Variants in SPMIP6 observed in about 807,000 individuals in gnomAD.
The protein encoded by SPMIP6 is sperm microtubule inner protein 6, also known as ciliated bronchial epithelial protein 1.
chr9:34,383,537 A>G, the SPMIP6 span, among the ~76,000 whole-genome samples: 1 of 152,180 alleles, frequency 6.6e-6, no homozygotes, highest in African/African-American at 2.4e-5. Flanking sequence ...AAATAGATAA[A>G]TAACTTGAAT....
At chr9:34,388,583 G>A in the SPMIP6 span, among the ~76,000 whole-genome samples, 1 of 152,138 alleles carries the variant, frequency 6.6e-6, no homozygotes, top group Non-Finnish European at 1.5e-5. Context: ...GTTGAATTAT[G>A]GCTTGGCTTT....
chr9:34,396,130 C>T, the SPMIP6 span, among the ~76,000 whole-genome samples: 1 of 152,090 alleles, frequency 6.6e-6, no homozygotes, highest in Non-Finnish European at 1.5e-5. Context: ...TCCTTAAATA[C>T]ACCATTTTGT....
the SPMIP6 span, among the ~76,000 whole-genome samples, chr9:34,393,568 C>A: frequency 1.3e-5 from 2 of 152,108 alleles, no homozygotes; most frequent in Non-Finnish European, 2.9e-5. Flanking sequence ...TTGTGAGGTG[C>A]CTAACTGTGG....
chr9:34,380,018 C>T, the SPMIP6 span, among the ~76,000 whole-genome samples: 3 of 152,174 alleles, frequency 2.0e-5, no homozygotes, highest in Non-Finnish European at 4.4e-5. Context: ...ACCGGATCCC[C>T]GCCACTGGAC....
the SPMIP6 span, among the ~76,000 whole-genome samples, chr9:34,385,329 C>T: frequency 4.6e-5 from 7 of 151,832 alleles, no homozygotes; most frequent in Admixed American, 1.3e-4. Context: ...GTCAGAAGTT[C>T]GAGACCAGCC....
At chr9:34,389,133 C>T in the SPMIP6 span, among the ~76,000 whole-genome samples, 1 of 152,038 alleles carries the variant, frequency 6.6e-6, no homozygotes, top group East Asian at 1.9e-4. Context: ...GACGATGTTT[C>T]CCTGTGTTTC....
the SPMIP6 span, among the ~76,000 whole-genome samples, chr9:34,392,389 A>G: frequency 2.4e-4 from 36 of 151,950 alleles, no homozygotes; most frequent in Non-Finnish European, 2.9e-4. This position sits in a 1 kb window ranked among gnomAD's most constrained non-coding sequence, Gnocchi z 4.6. Flanking sequence ...TAATTATAAT[A>G]TCTTCCTGGT....
the SPMIP6 span, chr9:34,381,868 A>G: frequency 1.2e-6 from 1 of 806,652 alleles, no homozygotes; most frequent in Non-Finnish European, 1.5e-6. The surrounding 1 kb of genome is among the most constrained non-coding windows in gnomAD (Gnocchi z 4.4). Context: ...ACCCAGGGTC[A>G]GCCATCAGCC....
At chr9:34,386,989 T>C in the SPMIP6 span, among the ~76,000 whole-genome samples, 1 of 151,352 alleles carries the variant, frequency 6.6e-6, no homozygotes, top group Non-Finnish European at 1.5e-5. Context: ...GGCAGTGAGG[T>C]GCTGGGACAG....
chr9:34,379,033 GTT>G, the SPMIP6 span: 7 of 1,210,006 alleles, frequency 5.8e-6, no homozygotes, highest in Admixed American at 1.7e-5. This position sits in a 1 kb window ranked among gnomAD's most constrained non-coding sequence, Gnocchi z 4.2. Flanking sequence ...GGGTTGAAGA[GTT>G]TATTTATTGC....
At chr9:34,384,033 T>C in the SPMIP6 span, among the ~76,000 whole-genome samples, 13 of 152,252 alleles carry the variant, frequency 8.5e-5, no homozygotes, top group South Asian at 2.5e-3. Flanking sequence ...AGGCCCTCCA[T>C]GATCCAACAG....
At chr9:34,382,667 T>G in the SPMIP6 span, 4 of 834,914 alleles carry the variant, frequency 4.8e-6, no homozygotes, top group Non-Finnish European at 8.5e-6. Flanking sequence ...GAGGACCTAA[T>G]GGTGAAATAT....
the SPMIP6 span, among the ~76,000 whole-genome samples, chr9:34,390,486 T>C: frequency 1.3e-5 from 2 of 151,976 alleles, no homozygotes; most frequent in Admixed American, 6.6e-5. Flanking sequence ...TGATCTTCTG[T>C]TTTTTTTCTT....
chr9:34,385,539 A>AT, the SPMIP6 span: 7 of 749,218 alleles, frequency 9.3e-6, no homozygotes, highest in South Asian at 1.8e-4. Flanking sequence ...CCGTCTCAAA[A>AT]AAAAAAAAAA....
chr9:34,381,520 C>G, the SPMIP6 span: 1 of 1,597,508 alleles, frequency 6.3e-7, no homozygotes, highest in Non-Finnish European at 8.5e-7. This position sits in a 1 kb window ranked among gnomAD's most constrained non-coding sequence, Gnocchi z 4.4. Flanking sequence ...CCCAGAACAC[C>G]CAGACCTATC....
the SPMIP6 span, chr9:34,381,880 G>A: frequency 1.4e-6 from 1 of 695,626 alleles, no homozygotes; most frequent in Non-Finnish European, 1.8e-6. The surrounding 1 kb of genome is among the most constrained non-coding windows in gnomAD (Gnocchi z 4.4). Flanking sequence ...CCATCAGCCT[G>A]CAGTTAAGAG....
the SPMIP6 span, among the ~76,000 whole-genome samples, chr9:34,388,898 G>A: frequency 2.7e-5 from 4 of 149,940 alleles, no homozygotes; most frequent in Admixed American, 1.3e-4. Context: ...TTCTGTTTGT[G>A]GCTTCTGTCT....
At chr9:34,387,931 G>A in the SPMIP6 span, among the ~76,000 whole-genome samples, 1 of 152,198 alleles carries the variant, frequency 6.6e-6, no homozygotes, top group Admixed American at 6.5e-5. Flanking sequence ...AGCTGCCAGT[G>A]TTCTGAGAAT....
chr9:34,380,199 G>A, the SPMIP6 span, among the ~76,000 whole-genome samples: 1 of 152,188 alleles, frequency 6.6e-6, no homozygotes, highest in South Asian at 2.1e-4. Flanking sequence ...CCACTGCACA[G>A]CTCTCTGGGC....
Sources: allele counts gnomAD v4.1 joint callset (sites outside exome capture counted in the v4.1 genomes callset), GRCh38; gene constraint gnomAD v4.1.1; non-coding constraint Gnocchi (gnomAD v3.1); transcripts MANE v1.5; gene names NCBI Gene and HGNC (gene_info 2026-07-23, HGNC 2026-07-21).